The following FAF2 variants were observed in gnomAD, a reference collection of about 807,000 sequenced individuals.
FAF2 encodes the protein FAS-associated factor 2.
In FAF2, 9 loss-of-function variants were observed where a neutral mutation model predicts 62.3. The ratio of observed to expected loss-of-function variants is 0.14; its 90% CI spans 0.09 to 0.25. The LOEUF is 0.25. Ranked by LOEUF, FAF2 falls within the 10% of genes least tolerant of loss-of-function variation. The pLI is 1.00. For missense variants in FAF2, 368 were observed against 556.2 expected (o/e 0.66, Z 3.40); for synonymous variants, 202 against 198.0 (o/e 1.02, Z -0.17).
intron 10 of FAF2, 97 bp from the exon 11 acceptor site, chr5:176,506,671 G>T: frequency 2.1e-6 from 2 of 953,434 alleles, no homozygotes; most frequent in Non-Finnish European, 3.2e-6. Context: ...GAGAGTTGGG[G>T]TATATTTGAC....
intron 1 of FAF2, among the ~76,000 whole-genome samples, chr5:176,452,938 A>G (rs1049737147): frequency 2.6e-5 from 4 of 152,178 alleles, no homozygotes; most frequent in East Asian, 1.9e-4. Context: ...TTGGTTCTCA[A>G]TATGTTTCTT....
At chr5:176,454,437 G>A (rs968903819) in intron 1 of FAF2, among the ~76,000 whole-genome samples, 2 of 151,222 alleles carry the variant, frequency 1.3e-5, no homozygotes, top group African/African-American at 4.9e-5. Flanking sequence ...AGTTAGCCCA[G>A]TGTGGTGGCA....
intron 1 of FAF2, among the ~76,000 whole-genome samples, chr5:176,451,169 G>C (rs1031275455): frequency 6.6e-6 from 1 of 152,062 alleles, no homozygotes. Context: ...TCAGGAGTTC[G>C]AGACCAGCCT....
chr5:176,497,496 A>G (rs926576197), intron 8 of FAF2, among the ~76,000 whole-genome samples: 1 of 152,250 alleles, frequency 6.6e-6, no homozygotes, highest in African/African-American at 2.4e-5. Flanking sequence ...GTAAGAATAT[A>G]TCACGGCCTT....
intron 3 of FAF2, 80 bp from the exon 4 acceptor site, chr5:176,488,871 G>C (rs907732247): frequency 2.4e-5 from 27 of 1,138,254 alleles, no homozygotes; most frequent in Non-Finnish European, 3.6e-5. Context: ...ACCAAAAAGA[G>C]TGAGAAAATC....
rs1464989918 is a variant in FAF2 at position 176,509,151 on chromosome 5, G to A, written c.*2201G>A. ...TAGGTTTCAAGAGGATTCACCGGAAGCACATGCCCCGGTCTAGTCCCATTT... is the reference window on the plus strand; with the variant it reads ...TAGGTTTCAAGAGGATTCACCGGAAACACATGCCCCGGTCTAGTCCCATTT... On this transcript the variant is annotated 3_prime_UTR_variant, in exon 11 of 11. Coordinates refer to ENST00000261942, the MANE Select transcript of FAF2 (RefSeq NM_014613.3). 6.6e-6 allele frequency: 1 copy of A among 152,204 alleles called. No homozygotes were observed. Among genetic ancestry groups the A allele is most frequent in the Non-Finnish European group, 1.5e-5 (1 of 68,062 alleles). 9.4% of individuals were successfully genotyped at this position (152,204 alleles called of 1,614,324 possible).
At chr5:176,506,032 T>C (rs1254000034) in intron 10 of FAF2, among the ~76,000 whole-genome samples, 2 of 151,674 alleles carry the variant, frequency 1.3e-5, no homozygotes, top group Middle Eastern at 3.4e-3. Context: ...CTGCTAAAAA[T>C]ACGAAAAAAT....
chr5:176,451,765 CATATATAT>C lies in FAF2; in HGVS notation c.63+3297_63+3304del, dbSNP rs201499336. 2.6e-5 allele frequency among the ~76,000 whole-genome samples: 3 copies of C among 116,050 alleles called. No homozygotes were observed. In the Admixed American group the frequency reaches 3.2e-4, roughly 12 times the overall value. 76.1% of individuals were successfully genotyped at this position (116,050 alleles called of 152,430 possible). ...TGTATATATGTATATTGTATATATA[CATATATAT>C]ACGTGTGTGTGTGTATATATATATA... On this transcript the variant is annotated intron_variant, in intron 1 of 10. Coordinates refer to ENST00000261942, the MANE Select transcript of FAF2 (RefSeq NM_014613.3).
intron 1 of FAF2, among the ~76,000 whole-genome samples, chr5:176,449,888 A>G (rs981258223): frequency 1.4e-4 from 21 of 152,342 alleles, no homozygotes; most frequent in African/African-American, 5.0e-4. Flanking sequence ...TATGAGGTTC[A>G]TACTGTTCTA....
At position 176,507,222 on chromosome 5, in the gene FAF2, A is replaced by G; in HGVS notation, c.*272A>G. On this transcript the variant is annotated 3_prime_UTR_variant, in exon 11 of 11. Coordinates refer to ENST00000261942, the MANE Select transcript of FAF2 (RefSeq NM_014613.3). ...CCCTTCCTGTGGCCTCTGTGCACGC[A>G]CCTTCCAGTGAACAGAGACTCTTCA... 2.2e-6 allele frequency: 1 copy of G among 444,870 alleles called. No homozygotes were observed. The highest frequency in any genetic ancestry group is 4.5e-6 in the Non-Finnish European group (1 of 223,636). The allele number at this position is 444,870 out of a possible 1,614,324, so 27.6% of individuals were successfully genotyped here.
intron 1 of FAF2, among the ~76,000 whole-genome samples, chr5:176,474,945 A>C (rs1003186836): frequency 2.0e-5 from 3 of 152,166 alleles, no homozygotes; most frequent in Non-Finnish European, 2.9e-5. Flanking sequence ...GTCCAGCATC[A>C]CTTATTTCTA....
chr5:176,497,092 GCT>G (rs1755509371), intron 8 of FAF2: 1 of 152,888 alleles, frequency 6.5e-6, no homozygotes, highest in African/African-American at 2.4e-5. Flanking sequence ...GCAGCAGTGA[GCT>G]CTGATTGTGC....
intron 7 of FAF2, 58 bp from the exon 8 acceptor site, chr5:176,496,428 A>C: frequency 7.2e-7 from 1 of 1,394,544 alleles, no homozygotes; most frequent in South Asian, 1.5e-5. Context: ...GGAAAGTCTA[A>C]GGGTTGATCT....
chr5:176,493,774 CTA>C (rs1759014896), intron 5 of FAF2, among the ~76,000 whole-genome samples: 1 of 152,190 alleles, frequency 6.6e-6, no homozygotes. Context: ...CCTAACAACA[CTA>C]AAACCTTTTC....
chr5:176,471,783 G>A (rs541945330), intron 1 of FAF2, among the ~76,000 whole-genome samples: 22 of 150,548 alleles, frequency 1.5e-4, no homozygotes, highest in Non-Finnish European at 2.5e-4. Flanking sequence ...TCCGCCCCCC[G>A]GGTTCAAGCA....
At chr5:176,505,947 T>G (rs1755675578) in intron 10 of FAF2, among the ~76,000 whole-genome samples, 1 of 152,028 alleles carries the variant, frequency 6.6e-6, no homozygotes, top group African/African-American at 2.4e-5. Context: ...TCCCAGCACT[T>G]TGGGAGGCCG....
At chr5:176,475,017 G>C (rs1051534694) in intron 1 of FAF2, among the ~76,000 whole-genome samples, 2 of 152,136 alleles carry the variant, frequency 1.3e-5, no homozygotes, top group African/African-American at 4.8e-5. Flanking sequence ...TGGGTTTCCA[G>C]CTCACCCTGC....
At chr5:176,449,832 C>A (rs945352190) in intron 1 of FAF2, among the ~76,000 whole-genome samples, 1 of 152,198 alleles carries the variant, frequency 6.6e-6, no homozygotes, top group Non-Finnish European at 1.5e-5. Context: ...GATGTAAGTA[C>A]TTTGTAAACA....
At chr5:176,481,524 G>C (rs2113734035) in intron 2 of FAF2, among the ~76,000 whole-genome samples, 1 of 152,172 alleles carries the variant, frequency 6.6e-6, no homozygotes, top group African/African-American at 2.4e-5. Context: ...AGGTGTGGTG[G>C]TGGGCGCCTG....
Sources: allele counts gnomAD v4.1 joint callset (sites outside exome capture counted in the v4.1 genomes callset), GRCh38; gene constraint gnomAD v4.1.1; transcripts MANE v1.5; gene names NCBI Gene and HGNC (gene_info 2026-07-23, HGNC 2026-07-21).